The following SLC17A4 variants were observed in gnomAD, a reference collection of about 807,000 sequenced individuals.
SLC17A4 encodes solute carrier family 17 member 4.
Under a neutral mutation model 52.5 loss-of-function variants are expected in SLC17A4, and 33 were observed. The observed-to-expected ratio is 0.63, with a 90% CI of 0.48 to 0.84. The LOEUF is 0.84. SLC17A4 is among the 40% of genes least tolerant of loss of function. The pLI is 0.00. For missense variants in SLC17A4, 585 were observed against 597.1 expected (o/e 0.98, Z 0.21); for synonymous variants, 225 against 216.2 (o/e 1.04, Z -0.36).
intron 6 of SLC17A4, 128 bp from the exon 7 acceptor site, chr6:25,773,147 A>C: frequency 1.3e-6 from 1 of 762,318 alleles, no homozygotes; most frequent in Non-Finnish European, 2.3e-6. Flanking sequence ...AGGGCCATGC[A>C]AGGGATAGAT....
At position 25,777,687 on chromosome 6, in the gene SLC17A4, C is replaced by T. The variant is rs536680771; in HGVS notation, c.1269-239C>T. On this transcript the variant is annotated intron_variant, in intron 10 of 11. Coordinates refer to ENST00000377905, the MANE Select transcript of SLC17A4 (RefSeq NM_005495.3). ...GTTGACAAGTTAATAGAGGTTACCC[C>T]CTTGGGAGTACCAGTCCCTAGCACA... 1.3e-3 allele frequency: 521 copies of T among 407,476 alleles called. 1 individual carries two copies. The highest frequency in any genetic ancestry group is 1.9e-3 in the Non-Finnish European group (426 of 227,296). The allele number at this position is 407,476 out of a possible 1,614,324, so 25.2% of individuals were successfully genotyped here.
At chr6:25,767,018 C>T (rs1427953883) in intron 2 of SLC17A4, among the ~76,000 whole-genome samples, 3 of 151,926 alleles carry the variant, frequency 2.0e-5, no homozygotes, top group Non-Finnish European at 4.4e-5. Flanking sequence ...AACAAATGCA[C>T]CATAAGATGT....
intron 10 of SLC17A4, 35 bp from the exon 11 acceptor site, chr6:25,777,891 C>T: frequency 2.6e-6 from 4 of 1,559,150 alleles, no homozygotes; most frequent in South Asian, 2.2e-5. Flanking sequence ...CGTAGGTATA[C>T]TTGGTTATAA....
intron 2 of SLC17A4, chr6:25,768,276 C>G (rs965624722): frequency 1.5e-6 from 1 of 676,068 alleles, no homozygotes; most frequent in East Asian, 1.4e-4. Flanking sequence ...CTTTCAGGAA[C>G]CAAGAAAATG....
chr6:25,764,120 C>T (rs753834302), intron 2 of SLC17A4, among the ~76,000 whole-genome samples: 5 of 152,168 alleles, frequency 3.3e-5, no homozygotes, highest in Non-Finnish European at 7.4e-5. Flanking sequence ...TCTAACATGA[C>T]TGATCCTCAC....
intron 3 of SLC17A4, 132 bp downstream of exon 3, chr6:25,769,322 A>G: frequency 1.1e-6 from 1 of 870,668 alleles, no homozygotes; most frequent in African/African-American, 1.7e-5. Context: ...TGGCACAAGT[A>G]CCTAAGTATC....
At chr6:25,757,208 C>G (rs577571985) in intron 1 of SLC17A4, among the ~76,000 whole-genome samples, 3 of 152,156 alleles carry the variant, frequency 2.0e-5, no homozygotes, top group African/African-American at 4.8e-5. Flanking sequence ...TTTAGTGGTA[C>G]GTTACATAAC....
At chr6:25,755,089 AGAAAG>A (rs1015460038) in intron 1 of SLC17A4, among the ~76,000 whole-genome samples, 11 of 143,906 alleles carry the variant, frequency 7.6e-5, no homozygotes, top group African/African-American at 2.7e-4. Context: ...ACACAGAGGA[AGAAAG>A]AGAGAGAGGA....
At chr6:25,758,611 G>A (rs1761230412) in intron 1 of SLC17A4, among the ~76,000 whole-genome samples, 1 of 152,064 alleles carries the variant, frequency 6.6e-6, no homozygotes, top group South Asian at 2.1e-4. Flanking sequence ...ATGATATTTT[G>A]TATTTCTCTG....
intron 2 of SLC17A4, among the ~76,000 whole-genome samples, chr6:25,762,323 T>C (rs1761612595): frequency 6.6e-6 from 1 of 152,156 alleles, no homozygotes; most frequent in African/African-American, 2.4e-5. Flanking sequence ...AGGTTCTAAG[T>C]AGGAAATATA....
At chr6:25,772,585 ATT>A (rs1398289682) in intron 6 of SLC17A4, among the ~76,000 whole-genome samples, 1 of 152,214 alleles carries the variant, frequency 6.6e-6, no homozygotes, top group African/African-American at 2.4e-5. Context: ...TAATGTATAT[ATT>A]AGAAAAAATG....
At chr6:25,769,944 G>A in intron 3 of SLC17A4, 123 bp from the exon 4 acceptor site, 1 of 803,516 alleles carries the variant, frequency 1.2e-6, no homozygotes, top group Non-Finnish European at 2.1e-6. Flanking sequence ...CTGGTATATT[G>A]GAGGAACTGG....
chr6:25,766,771 A>G (rs1385941784), intron 2 of SLC17A4, among the ~76,000 whole-genome samples: 1 of 152,224 alleles, frequency 6.6e-6, no homozygotes, highest in African/African-American at 2.4e-5. Flanking sequence ...TTTCAAAACT[A>G]TCAAGGTCTT....
chr6:25,762,541 T>C (rs1761635070), intron 2 of SLC17A4, among the ~76,000 whole-genome samples: 1 of 152,218 alleles, frequency 6.6e-6, no homozygotes, highest in African/African-American at 2.4e-5. Context: ...TAGAACATCT[T>C]ATTTTACCCT....
intron 6 of SLC17A4, 41 bp downstream of exon 6, chr6:25,771,053 C>G: frequency 2.7e-6 from 4 of 1,462,632 alleles, no homozygotes; most frequent in Non-Finnish European, 3.8e-6. Context: ...ATGACAGAGA[C>G]TTCTGTGATG....
chr6:25,779,067 G>A lies in SLC17A4; in HGVS notation c.1373G>A (p.Gly458Asp). ...GFFISQDSEF[G>D]WRNVFLLSAA... The stretch of plus-strand genomic sequence containing the variant: ...TTCTGCCTCCAGGATTCAGAGTTTG[G>A]TTGGAGAAATGTCTTCTTGCTTTCA... Residue 458 changes from glycine to aspartate, a missense_variant, in exon 12 of 12, where the codon GGT (glycine) becomes GAT (aspartate). By Grantham distance (94) the Gly-to-Asp change is moderately conservative. Transcript: ENST00000377905. 1 of 1,613,740 alleles carries A rather than the reference G, an allele frequency of 6.2e-7. No individual in the cohort carries two copies. The highest frequency in any genetic ancestry group is 8.5e-7 in the Non-Finnish European group (1 of 1,179,720).
Position 25,769,128 on chromosome 6 carries a change from G to C in SLC17A4, c.235G>C (p.Glu79Gln). ...APPSQPNAST[E>Q]RPSTDSQGYW... is the part of the protein sequence containing the mutation. ...ACCTAGCCAGCCCAATGCTTCCACA[G>C]AACGGCCCTCCACTGACTCCCAGGG... The change falls in exon 3 of 12, where the codon GAA becomes CAA. Residue 79 changes from glutamate to glutamine, a missense_variant. Physicochemically the swap from Glu to Gln is conservative, Grantham distance 29. Coordinates refer to ENST00000377905, the MANE Select transcript of SLC17A4 (RefSeq NM_005495.3). 1 of 1,614,038 alleles carries C rather than the reference G, an allele frequency of 6.2e-7. No individual in the cohort carries two copies.
chr6:25,773,625 C>A lies in SLC17A4; in HGVS notation c.938C>A (p.Ala313Glu), dbSNP rs374082636. ...TACTGGCTTTTTTATACCATTATGG[C>A]GTACACACCAACGTACATCAGCTCG... ...CEYWLFYTIM[A>E]YTPTYISSVL... Residue 313 changes from alanine to glutamate, a missense_variant, in exon 8 of 12, where the codon GCG becomes GAG. Coordinates refer to ENST00000377905, the MANE Select transcript of SLC17A4 (RefSeq NM_005495.3). 6.2e-7 allele frequency: 1 copy of A among 1,613,742 alleles called. No homozygotes were observed. The highest frequency in any genetic ancestry group is 2.2e-5 in the East Asian group (1 of 44,890).
At chr6:25,775,385 G>T (rs909116802) in intron 8 of SLC17A4, among the ~76,000 whole-genome samples, 3 of 150,520 alleles carry the variant, frequency 2.0e-5, no homozygotes, top group East Asian at 1.9e-4. Context: ...TTCCTAATCT[G>T]CCCTGTCCTC....
Sources: allele counts gnomAD v4.1 joint callset (sites outside exome capture counted in the v4.1 genomes callset), GRCh38; gene constraint gnomAD v4.1.1; transcripts MANE v1.5; gene names NCBI Gene and HGNC (gene_info 2026-07-23, HGNC 2026-07-21).